Variants in FGD6 observed in about 807,000 individuals in gnomAD.
FGD6 encodes the protein FYVE, RhoGEF and PH domain-containing protein 6.
FGD6 carries 90 observed loss-of-function variants against 149.4 expected under a neutral mutation model. The ratio of observed to expected loss-of-function variants is 0.60; its 90% CI spans 0.51 to 0.72. FGD6 has a LOEUF of 0.72. FGD6 is among the 30% of genes least tolerant of loss of function. FGD6 has a pLI of 0.00. For missense variants in FGD6, 1,437 were observed against 1,684.8 expected (o/e 0.85, Z 2.57); for synonymous variants, 527 against 584.0 (o/e 0.90, Z 1.41).
intron 2 of FGD6, among the ~76,000 whole-genome samples, chr12:95,190,956 AG>A (rs1484035572): frequency 6.6e-6 from 1 of 152,220 alleles, no homozygotes; most frequent in Non-Finnish European, 1.5e-5. Context: ...AGAACATTTT[AG>A]TAAATTTTTG....
rs1877581312 is a variant in FGD6 at position 95,078,976 on chromosome 12, T to G, written c.*2544A>C. 1 of 152,234 alleles carries G rather than the reference T, an allele frequency of 6.6e-6. No homozygotes were observed. The highest frequency in any genetic ancestry group is 2.1e-4 in the South Asian group (1 of 4,832). 9.4% of individuals were successfully genotyped at this position (152,234 alleles called of 1,614,324 possible). On this transcript the variant is annotated 3_prime_UTR_variant, in exon 21 of 21. Coordinates refer to ENST00000343958, the MANE Select transcript of FGD6 (RefSeq NM_018351.4). ...AAATATAGTATCCTTGGAATCTAGA[T>G]ACTACTTAACTTTTCTCCCCATTTA...
chr12:95,160,823 C>T (rs1310161679), intron 3 of FGD6, among the ~76,000 whole-genome samples: 1 of 152,040 alleles, frequency 6.6e-6, no homozygotes, highest in Admixed American at 6.6e-5. Flanking sequence ...AAGATCATGC[C>T]ATTGCACTCC....
chr12:95,093,850 C>CAA (rs72490017), intron 15 of FGD6, among the ~76,000 whole-genome samples: 2 of 123,442 alleles, frequency 1.6e-5, no homozygotes, highest in African/African-American at 3.0e-5. Context: ...TCCATCTCAA[C>CAA]AAAAAAAAAA....
At chr12:95,213,896 G>C (rs749946701) in intron 1 of FGD6, among the ~76,000 whole-genome samples, 1 of 152,196 alleles carries the variant, frequency 6.6e-6, no homozygotes, top group Non-Finnish European at 1.5e-5. Context: ...TGTATTGAAG[G>C]AAGTCACAGA....
In FGD6 at chr12:95,210,352, T is replaced by G. The variant is rs758757453; in HGVS notation, c.932A>C (p.Lys311Thr). The G allele has an allele frequency of 3.1e-6, 5 of 1,613,796 alleles. No individual in the cohort carries two copies. The South Asian group carries it at 5.5e-5, about 18-fold the overall frequency. ...CTTTCTGGGCTTGGGAGTTGGAAAT[T>G]TTGGGGTATATGGTACTAAATGAAT... ...LEIHLVPYTP[K>T]FPTPKPRKTR... The change falls in exon 2 of 21, where the codon AAA becomes ACA. Residue 311 changes from lysine (K) to threonine (T), a missense_variant. Transcript: ENST00000343958.
chr12:95,171,216 C>T (rs369205561), intron 3 of FGD6, among the ~76,000 whole-genome samples: 1 of 152,042 alleles, frequency 6.6e-6, no homozygotes. Context: ...GACTGCTGCA[C>T]GTGGGCCATT....
chr12:95,208,916 C>T lies in FGD6; in HGVS notation c.2368G>A (p.Val790Met). The change falls in exon 2 of 21, where the codon GTG becomes ATG. Residue 790 changes from valine (V) to methionine (M), a missense_variant. Val to Met is a conservative substitution (Grantham distance 21). This residue lies in a region of FGD6 where 1,055 missense variants were observed against 1,146.0 expected (regional missense o/e 0.92). Transcript: ENST00000343958. ...SSSMEDADANVYEVEEPYEAP... is the reference protein window; with the variant it reads ...SSSMEDADANMYEVEEPYEAP... Reference sequence around the variant, plus strand: ...TCATACGGCTCTTCTACCTCATACACATTTGCATCAGCGTCCTCCATGCTG... The same window carrying T: ...TCATACGGCTCTTCTACCTCATACATATTTGCATCAGCGTCCTCCATGCTG... 6.2e-7 allele frequency: 1 copy of T among 1,614,152 alleles called. No individual in the cohort carries two copies. The highest frequency in any genetic ancestry group is 8.5e-7 in the Non-Finnish European group (1 of 1,180,026).
chr12:95,213,192 C>T (rs1459727306), intron 1 of FGD6, among the ~76,000 whole-genome samples: 1 of 152,176 alleles, frequency 6.6e-6, no homozygotes, highest in Non-Finnish European at 1.5e-5. Context: ...CCCAACGGCC[C>T]ATCTTACTCA....
intron 14 of FGD6, among the ~76,000 whole-genome samples, chr12:95,099,208 C>G (rs893711376): frequency 6.6e-6 from 1 of 152,126 alleles, no homozygotes; most frequent in Non-Finnish European, 1.5e-5. Context: ...CACTGTGTCC[C>G]GATGCGCAGC....
chr12:95,108,288 A>G (rs55931865), intron 11 of FGD6, 60 bp downstream of exon 11: 167,197 of 1,426,330 alleles, frequency 0.12, 11,641 homozygotes, highest in African/African-American at 0.28. Context: ...TGATAAACAG[A>G]TACAGATGGT....
chr12:95,138,250 C>A (rs1031805570), intron 6 of FGD6, among the ~76,000 whole-genome samples: 177 of 113,262 alleles, frequency 1.6e-3, no homozygotes, highest in Non-Finnish European at 2.1e-3. Context: ...ATAAATAACT[C>A]ACTCACTCCT....
chr12:95,136,494 A>G (rs1879671454), intron 7 of FGD6, among the ~76,000 whole-genome samples: 1 of 152,234 alleles, frequency 6.6e-6, no homozygotes, highest in African/African-American at 2.4e-5. Flanking sequence ...TTTTACTCCA[A>G]ACTGATGGAG....
In FGD6 at chr12:95,217,467, C is replaced by T; in HGVS notation, c.-227G>A. The T allele has an allele frequency of 1.8e-6, 1 of 555,166 alleles. No homozygotes were observed. The highest frequency in any genetic ancestry group is 2.9e-6 in the Non-Finnish European group (1 of 343,852). 34.4% of individuals were successfully genotyped at this position (555,166 alleles called of 1,614,324 possible). On this transcript the variant is annotated 5_prime_UTR_variant, in exon 1 of 21. Coordinates refer to ENST00000343958, the MANE Select transcript of FGD6 (RefSeq NM_018351.4). ...CCGGGGTCGGGCGGGCGAGCACTAGCACCGCCCCGCAGAGCGGCAGGCTGA... is the reference window on the plus strand; with the variant it reads ...CCGGGGTCGGGCGGGCGAGCACTAGTACCGCCCCGCAGAGCGGCAGGCTGA...
chr12:95,134,662 C>T lies in FGD6; in HGVS notation c.3082+77G>A, dbSNP rs1423240285. 3.9e-6 allele frequency: 5 copies of T among 1,293,044 alleles called. No homozygotes were observed. In the African/African-American group the frequency reaches 4.4e-5, roughly 11 times the overall value. The allele number at this position is 1,293,044 out of a possible 1,614,324, so 80.1% of individuals were successfully genotyped here. A position where few individuals can be genotyped will look rare whatever the true frequency, so the allele number is the denominator to read the frequency against. On this transcript the variant is annotated intron_variant, in intron 8 of 20. Transcript: ENST00000343958. Reference sequence around the variant, plus strand: ...GGGGTGATATACAAAGAGAGGCACCCGAGTTTCATAAAGGCAAGAAGAGTT... The same window carrying T: ...GGGGTGATATACAAAGAGAGGCACCTGAGTTTCATAAAGGCAAGAAGAGTT...
chr12:95,115,834 C>T (rs541029010), intron 8 of FGD6, among the ~76,000 whole-genome samples: 2 of 152,286 alleles, frequency 1.3e-5, no homozygotes, highest in South Asian at 2.1e-4. Flanking sequence ...GCTGAAACTT[C>T]GTAAGTCTTT....
chr12:95,086,374 C>G (rs1877862851), intron 18 of FGD6, among the ~76,000 whole-genome samples: 1 of 151,874 alleles, frequency 6.6e-6, no homozygotes, highest in Admixed American at 6.6e-5. Flanking sequence ...GAATAATAAA[C>G]AGAAAATTCT....
intron 2 of FGD6, among the ~76,000 whole-genome samples, chr12:95,191,495 G>T (rs564289425): frequency 1.6e-4 from 24 of 152,322 alleles, no homozygotes; most frequent in African/African-American, 5.1e-4. Flanking sequence ...AGCAAAAGCA[G>T]TGTTTAACCT....
At position 95,113,660 on chromosome 12, in the gene FGD6, C is replaced by G. The variant is rs745466929; in HGVS notation, c.3124G>C (p.Asp1042His). Reference sequence around the variant, plus strand: ...CACAGAAGTTATTTACCTTGAGTGTCTCTGTAATCTCCAGCATCTTCTATG... The same window carrying G: ...CACAGAAGTTATTTACCTTGAGTGTGTCTGTAATCTCCAGCATCTTCTATG... Reference protein sequence around the residue: ...NLIEDAGDYRDTQDALAVVIE... With the variant: ...NLIEDAGDYRHTQDALAVVIE... Residue 1042 changes from aspartate to histidine, a missense_variant, in exon 9 of 21, where the codon GAC (aspartate) becomes CAC (histidine). Physicochemically the swap from Asp to His is moderately conservative, Grantham distance 81. Coordinates refer to ENST00000343958, the MANE Select transcript of FGD6 (RefSeq NM_018351.4). 1.3e-6 allele frequency: 2 copies of G among 1,593,390 alleles called. No individual in the cohort carries two copies. Among genetic ancestry groups the G allele is most frequent in the African/African-American group, 2.7e-5 (2 of 73,302 alleles).
chr12:95,083,030 T>TATATATATATATATATATATATAC (rs772685891), intron 20 of FGD6, among the ~76,000 whole-genome samples: 5 of 56,574 alleles, frequency 8.8e-5, no homozygotes, highest in African/African-American at 1.6e-4. Flanking sequence ...TATATATATA[T>TATATATATATATATATATATATAC]ACACACACAT....
Sources: allele counts gnomAD v4.1 joint callset (sites outside exome capture counted in the v4.1 genomes callset), GRCh38; gene constraint gnomAD v4.1.1; regional missense constraint gnomAD v4.1.1; transcripts MANE v1.5; gene names NCBI Gene and HGNC (gene_info 2026-07-23, HGNC 2026-07-21).